ZCCHC7: variants seen among roughly 807,000 people sequenced by gnomAD.
ZCCHC7 encodes zinc finger CCHC-type containing 7, also known as zinc finger CCHC domain-containing protein 7.
Under a neutral mutation model 52.0 loss-of-function variants are expected in ZCCHC7, and 35 were observed. That is an observed-to-expected ratio of 0.67 (90% CI 0.51 to 0.89). The LOEUF (loss-of-function observed/expected upper bound fraction) is 0.89. ZCCHC7 is among the 40% of genes least tolerant of loss of function. ZCCHC7 has a pLI of 0.00. For synonymous variants in ZCCHC7, 217 were observed against 221.5 expected (o/e 0.98, Z 0.18); for missense variants, 574 against 649.1 (o/e 0.88, Z 1.26).
chr9:37,189,383 G>C (rs1395308075), intron 2 of ZCCHC7, among the ~76,000 whole-genome samples: 1 of 152,056 alleles, frequency 6.6e-6, no homozygotes, highest in East Asian at 1.9e-4. Flanking sequence ...TGTGATGAAT[G>C]TTGAATTCTT....
chr9:37,291,731 T>G (rs1828546795), intron 2 of ZCCHC7, among the ~76,000 whole-genome samples: 1 of 152,196 alleles, frequency 6.6e-6, no homozygotes, highest in Non-Finnish European at 1.5e-5. Flanking sequence ...TTTTCTCTTG[T>G]TGCCCAGGCT....
At chr9:37,163,247 G>A (rs115362591) in intron 2 of ZCCHC7, among the ~76,000 whole-genome samples, 7,660 of 151,706 alleles carry the variant, frequency 0.05, 633 homozygotes, top group African/African-American at 0.17. Flanking sequence ...GTATTTTTAC[G>A]TGTGGTGGCA....
At chr9:37,225,189 T>C (rs988080761) in intron 2 of ZCCHC7, among the ~76,000 whole-genome samples, 2 of 152,138 alleles carry the variant, frequency 1.3e-5, no homozygotes, top group African/African-American at 4.8e-5. Context: ...AGATCCTAAA[T>C]TTTATGGAAA....
At chr9:37,131,184 C>A (rs1564131751) in intron 2 of ZCCHC7, among the ~76,000 whole-genome samples, 1 of 149,880 alleles carries the variant, frequency 6.7e-6, no homozygotes, top group African/African-American at 2.5e-5. Context: ...ACTAAAAATA[C>A]AAAAAATTAG....
chr9:37,287,655 G>A (rs1288583321), intron 2 of ZCCHC7, among the ~76,000 whole-genome samples: 2 of 152,044 alleles, frequency 1.3e-5, no homozygotes, highest in African/African-American at 4.8e-5. Context: ...TTATTTCTCT[G>A]TGTGTATACA....
intron 6 of ZCCHC7, among the ~76,000 whole-genome samples, chr9:37,344,803 A>C (rs549126166): frequency 4.3e-4 from 65 of 152,326 alleles, no homozygotes; most frequent in African/African-American, 1.4e-3. Flanking sequence ...CTCACTTCTC[A>C]GTTACCTGAT....
chr9:37,248,923 G>A (rs1382185974), intron 2 of ZCCHC7, among the ~76,000 whole-genome samples: 2 of 152,174 alleles, frequency 1.3e-5, no homozygotes, highest in African/African-American at 2.4e-5. Context: ...AAGTAATGAT[G>A]TAAAATTCTT....
At chr9:37,250,020 CCTGTTCTTCT>C (rs376511543) in intron 2 of ZCCHC7, among the ~76,000 whole-genome samples, 7,719 of 152,202 alleles carry the variant, frequency 0.051, 639 homozygotes, top group African/African-American at 0.17. Context: ...GATTCTGATT[CCTGTTCTTCT>C]AATAGTCCAG....
intron 2 of ZCCHC7, among the ~76,000 whole-genome samples, chr9:37,280,141 A>G (rs1827884146): frequency 6.8e-6 from 1 of 146,110 alleles, no homozygotes; most frequent in Non-Finnish European, 1.5e-5. Flanking sequence ...ACTCCGTCTC[A>G]AAAAAAAAAA....
At chr9:37,267,954 C>T (rs1366004849) in intron 2 of ZCCHC7, among the ~76,000 whole-genome samples, 1 of 152,114 alleles carries the variant, frequency 6.6e-6, no homozygotes, top group Admixed American at 6.6e-5. Context: ...ATCCTCTCAC[C>T]TTGACCTGAG....
rs566353537 is a variant in ZCCHC7 at position 37,299,800 on chromosome 9, A to C, written c.611-2388A>C. On this transcript the variant is annotated intron_variant, in intron 2 of 8. Coordinates refer to ENST00000336755, the MANE Select transcript of ZCCHC7 (RefSeq NM_032226.3). ...AACTTAGTTTGTATACTTGTTGATG[A>C]ATTTTCTATAGTAAGAATATGAATA... is the stretch of plus-strand genomic sequence containing the variant. Among the ~76,000 whole-genome samples the C allele has an allele frequency of 7.9e-5, 12 of 152,198 alleles. 1 individual carries two copies. The highest frequency in any genetic ancestry group is 1.6e-4 in the Non-Finnish European group (11 of 68,036).
intron 5 of ZCCHC7, among the ~76,000 whole-genome samples, chr9:37,306,819 GCT>G (rs1455744523): frequency 9.6e-6 from 1 of 104,282 alleles, no homozygotes; most frequent in African/African-American, 3.7e-5. Context: ...ACAGGGTCTC[GCT>G]CTGTCACGGT....
intron 2 of ZCCHC7, among the ~76,000 whole-genome samples, chr9:37,206,299 C>CCCCTCT (rs1336701777): frequency 2.0e-5 from 3 of 150,428 alleles, no homozygotes; most frequent in Non-Finnish European, 3.0e-5. Flanking sequence ...TTCCCCCTTC[C>CCCCTCT]CCCTCTCCCT....
intron 6 of ZCCHC7, 36 bp downstream of exon 6, chr9:37,327,870 C>T: frequency 6.2e-7 from 1 of 1,609,132 alleles, no homozygotes; most frequent in Non-Finnish European, 8.5e-7. Context: ...TCCCCAAGAC[C>T]TAGCCTATTT....
intron 2 of ZCCHC7, among the ~76,000 whole-genome samples, chr9:37,154,064 A>AT (rs1016181997): frequency 9.3e-5 from 14 of 151,264 alleles, no homozygotes; most frequent in Non-Finnish European, 1.8e-4. Flanking sequence ...TAATTTTTTG[A>AT]TTTTTTGTAG....
At chr9:37,254,837 C>CTTTTTTTTTTTTTTTTTTTTTTTT (rs59489076) in intron 2 of ZCCHC7, among the ~76,000 whole-genome samples, 26 of 93,466 alleles carry the variant, frequency 2.8e-4, no homozygotes, top group Non-Finnish European at 4.0e-4. Flanking sequence ...CAAAAAGTTT[C>CTTTTTTTTTTTTTTTTTTTTTTTT]TTTTTTTTTT....
chr9:37,130,323 G>A (rs1449659717), intron 2 of ZCCHC7, among the ~76,000 whole-genome samples: 14 of 143,022 alleles, frequency 9.8e-5, no homozygotes, highest in Non-Finnish European at 2.0e-4. Flanking sequence ...AGTAATTTAC[G>A]GAATTCTCTC....
At chr9:37,194,947 CTTT>C (rs1169877667) in intron 2 of ZCCHC7, among the ~76,000 whole-genome samples, 8 of 133,444 alleles carry the variant, frequency 6.0e-5, no homozygotes, top group Admixed American at 7.5e-5. Flanking sequence ...TCTCTTTTTT[CTTT>C]TTTTTTTTTT....
At chr9:37,144,656 C>T (rs923171558) in intron 2 of ZCCHC7, among the ~76,000 whole-genome samples, 17 of 151,942 alleles carry the variant, frequency 1.1e-4, no homozygotes, top group Non-Finnish European at 2.4e-4. Flanking sequence ...TGCCTTGATA[C>T]GTTCTCACCT....
Sources: gnomAD v4.1 joint callset for allele counts (sites outside exome capture counted in the v4.1 genomes callset) on GRCh38, gnomAD v4.1.1 for gene constraint, MANE v1.5 for transcripts, NCBI Gene and HGNC (gene_info 2026-07-23, HGNC 2026-07-21) for gene names.